The following KDM2A variants were observed in gnomAD, a reference collection of about 807,000 sequenced individuals.
KDM2A encodes the protein lysine demethylase 2A, also known as lysine-specific demethylase 2A.
A neutral mutation model predicts 137.3 loss-of-function variants in KDM2A; 3 were observed. The ratio of observed to expected loss-of-function variants is 0.02; its 90% confidence interval spans 0.01 to 0.06. The LOEUF (loss-of-function observed/expected upper bound fraction) is 0.06, where lower values mean the gene tolerates loss of function less well. Ranked by LOEUF, KDM2A falls within the 10% of genes least tolerant of loss-of-function variation. KDM2A has a pLI of 1.00. For missense variants in KDM2A, 738 were observed against 1,510.6 expected (o/e 0.49, Z 8.48); for synonymous variants, 512 against 541.5 (o/e 0.95, Z 0.76).
chr11:67,132,773 G>A lies in KDM2A; in HGVS notation c.42+11415G>A, dbSNP rs182083531. ...CTCATTAGCAGCATGAGCATTAACTGAGTGTCTGGGAACATATTAGAATGC... is the reference window on the plus strand; with the variant it reads ...CTCATTAGCAGCATGAGCATTAACTAAGTGTCTGGGAACATATTAGAATGC... On this transcript the variant is annotated intron_variant, in intron 2 of 20. Transcript: ENST00000529006. 1.5e-4 allele frequency among the ~76,000 whole-genome samples: 23 copies of A among 152,280 alleles called. No homozygotes were observed. In the East Asian group the frequency reaches 4.2e-3, roughly 28 times the overall value.
chr11:67,150,883 A>G (rs1342306807), intron 2 of KDM2A, among the ~76,000 whole-genome samples: 1 of 152,148 alleles, frequency 6.6e-6, no homozygotes, highest in Non-Finnish European at 1.5e-5. Flanking sequence ...AGAATGGAGC[A>G]TAGCATTCAC....
At chr11:67,238,260 A>T (rs1858927740) in intron 12 of KDM2A, among the ~76,000 whole-genome samples, 1 of 152,008 alleles carries the variant, frequency 6.6e-6, no homozygotes, top group Non-Finnish European at 1.5e-5. Context: ...CTAGTGCCCG[A>T]TGTGATTTTT....
chr11:67,136,006 T>G (rs1247367505), intron 2 of KDM2A, among the ~76,000 whole-genome samples: 4 of 152,192 alleles, frequency 2.6e-5, no homozygotes, highest in Non-Finnish European at 5.9e-5. Context: ...TTAACGTTAC[T>G]AGTGTGTTTG....
intron 10 of KDM2A, among the ~76,000 whole-genome samples, chr11:67,224,676 C>G (rs928525317): frequency 5.9e-5 from 9 of 151,418 alleles, no homozygotes; most frequent in Non-Finnish European, 1.0e-4. Context: ...CTGTGTTAGC[C>G]AGGATGGCCT....
chr11:67,204,389 A>C (rs1857739218), intron 5 of KDM2A, among the ~76,000 whole-genome samples: 1 of 151,814 alleles, frequency 6.6e-6, no homozygotes, highest in Admixed American at 6.6e-5. Flanking sequence ...CAACAAATCT[A>C]TTCTGTCTTG....
chr11:67,250,916 A>T lies in KDM2A; in HGVS notation c.2768+118A>T. 1 of 774,858 alleles carries T rather than the reference A, an allele frequency of 1.3e-6. No homozygotes were observed. Among genetic ancestry groups the T allele is most frequent in the Non-Finnish European group, 2.1e-6 (1 of 476,392 alleles). The allele number at this position is 774,858 out of a possible 1,614,324, so 48.0% of individuals were successfully genotyped here. A position where few individuals can be genotyped will look rare whatever the true frequency, so the allele number is the denominator to read the frequency against. On this transcript the variant is annotated intron_variant, in intron 17 of 20. Transcript: ENST00000529006. The surrounding 1 kb of genome is among the most constrained non-coding windows in gnomAD (Gnocchi z 7.1). ...GCCTGTGGGGTCTTATGAGGAGTGA[A>T]TTGACCCTTTTTCCCAAACTTTGGG...
At chr11:67,134,815 G>C (rs1855936136) in intron 2 of KDM2A, among the ~76,000 whole-genome samples, 1 of 152,032 alleles carries the variant, frequency 6.6e-6, no homozygotes, top group South Asian at 2.1e-4. Flanking sequence ...TTGAATTTTA[G>C]ATAAATCTAA....
At chr11:67,186,947 G>A (rs1412319647) in intron 5 of KDM2A, among the ~76,000 whole-genome samples, 1 of 152,074 alleles carries the variant, frequency 6.6e-6, no homozygotes, top group African/African-American at 2.4e-5. Flanking sequence ...TAAGTTTAAG[G>A]GCAAAAGCTA....
At chr11:67,248,257 A>G (rs1462560934) in intron 15 of KDM2A, 24 bp from the exon 16 acceptor site, 1 of 1,542,196 alleles carries the variant, frequency 6.5e-7, no homozygotes, top group Admixed American at 1.8e-5. Context: ...ACAGGCTTTT[A>G]AAAACATCTC....
At chr11:67,185,614 T>C (rs899858577) in intron 5 of KDM2A, among the ~76,000 whole-genome samples, 10 of 150,884 alleles carry the variant, frequency 6.6e-5, no homozygotes, top group African/African-American at 2.2e-4. Flanking sequence ...ACTCTAGCCT[T>C]GGTGACGAGC....
chr11:67,130,709 C>CT (rs1326035501), intron 2 of KDM2A, among the ~76,000 whole-genome samples: 1 of 152,052 alleles, frequency 6.6e-6, no homozygotes, highest in Non-Finnish European at 1.5e-5. Context: ...TGGAATAATA[C>CT]TTTATTTTTG....
At chr11:67,181,932 A>G in intron 5 of KDM2A, 40 bp downstream of exon 5, 1 of 1,556,128 alleles carries the variant, frequency 6.4e-7, no homozygotes, top group Non-Finnish European at 8.9e-7. Flanking sequence ...TAAGGCAAAG[A>G]TTTAAGACTT....
chr11:67,122,799 C>G (rs540137521), intron 2 of KDM2A, among the ~76,000 whole-genome samples: 98 of 151,932 alleles, frequency 6.5e-4, no homozygotes, highest in African/African-American at 2.2e-3. Context: ...CCTCAGCCTC[C>G]CGAGTAGCTG....
At chr11:67,241,128 G>A (rs1384031953) in intron 12 of KDM2A, among the ~76,000 whole-genome samples, 1 of 152,184 alleles carries the variant, frequency 6.6e-6, no homozygotes, top group East Asian at 1.9e-4. Flanking sequence ...CAGAGGAAAT[G>A]GGCAGAGTCC....
At chr11:67,167,814 C>T (rs1280881498) in intron 2 of KDM2A, among the ~76,000 whole-genome samples, 1 of 152,104 alleles carries the variant, frequency 6.6e-6, no homozygotes, top group Non-Finnish European at 1.5e-5. Context: ...TGAAGGCTGA[C>T]CTTTCAGTAA....
chr11:67,194,260 C>T (rs997535525), intron 5 of KDM2A, among the ~76,000 whole-genome samples: 2 of 152,138 alleles, frequency 1.3e-5, no homozygotes, highest in Non-Finnish European at 2.9e-5. Flanking sequence ...CTGAGTAGTA[C>T]ATCCTTTCCC....
At chr11:67,189,950 A>C (rs763596249) in intron 5 of KDM2A, among the ~76,000 whole-genome samples, 3 of 152,218 alleles carry the variant, frequency 2.0e-5, no homozygotes, top group Non-Finnish European at 4.4e-5. Flanking sequence ...CTAAAGCTAA[A>C]GGAAGTAATA....
At chr11:67,131,097 G>T (rs963585453) in intron 2 of KDM2A, among the ~76,000 whole-genome samples, 2 of 152,070 alleles carry the variant, frequency 1.3e-5, no homozygotes, top group African/African-American at 2.4e-5. Context: ...GGCCGAGGCG[G>T]GCAGATTGCC....
chr11:67,160,951 A>T (rs1856620588), intron 2 of KDM2A, among the ~76,000 whole-genome samples: 1 of 152,194 alleles, frequency 6.6e-6, no homozygotes, highest in Admixed American at 6.5e-5. Context: ...AAAAATAAAT[A>T]AATAATTAAT....
Sources: gnomAD v4.1 joint callset for allele counts (sites outside exome capture counted in the v4.1 genomes callset) on GRCh38, gnomAD v4.1.1 for gene constraint, Gnocchi (gnomAD v3.1) non-coding constraint, MANE v1.5 for transcripts, NCBI Gene and HGNC (gene_info 2026-07-23, HGNC 2026-07-21) for gene names.